KRT75: variants seen among roughly 807,000 people sequenced by gnomAD.
KRT75 encodes keratin, type II cytoskeletal 75.
KRT75 carries 35 observed loss-of-function variants against 48.8 expected under a neutral mutation model. The observed-to-expected ratio is 0.72, with a 90% CI of 0.55 to 0.95. The LOEUF (loss-of-function observed/expected upper bound fraction) is 0.95, where lower values mean the gene tolerates loss of function less well. KRT75 is among the 40% of genes least tolerant of loss of function. KRT75 has a pLI of 0.00. For missense variants in KRT75, 776 were observed against 709.9 expected (o/e 1.09, Z -1.06); for synonymous variants, 301 against 282.3 (o/e 1.07, Z -0.66).
intron 6 of KRT75, 51 bp from the exon 7 acceptor site, chr12:52,428,527 T>C: frequency 1.2e-6 from 2 of 1,612,018 alleles, no homozygotes; most frequent in East Asian, 2.2e-5. Context: ...CATGGAGGTG[T>C]GGTGCTTCTT....
Position 52,433,095 on chromosome 12 carries a change from C to T in KRT75, c.656G>A (p.Gly219Asp), listed in dbSNP as rs781246331. The change falls in exon 2 of 9, where the codon GGC becomes GAC. Residue 219 changes from glycine to aspartate, a missense_variant. Coordinates refer to ENST00000252245, the MANE Select transcript of KRT75 (RefSeq NM_004693.3). ...RQLESITTERGRLEAELRNMQ... is the reference protein window; with the variant it reads ...RQLESITTERDRLEAELRNMQ... ...GTTCCTCAGTTCAGCTTCAAGCCTG[C>T]CCCTCTCGGTGGTGATGCTTTCCAG... The T allele has an allele frequency of 1.6e-4, 258 of 1,613,940 alleles. No individual in the cohort carries two copies. Among genetic ancestry groups the T allele is most frequent in the Admixed American group, 1.0e-3 (60 of 59,992 alleles).
intron 1 of KRT75, 28 bp downstream of exon 1, chr12:52,433,779 C>A (rs1324378362): frequency 6.2e-7 from 1 of 1,613,886 alleles, no homozygotes; most frequent in South Asian, 1.1e-5. Context: ...ATCCCAAACC[C>A]AAGGGGGTGG....
Position 52,432,357 on chromosome 12 carries a change from T to C in KRT75, c.714-291A>G, listed in dbSNP as rs938975025. Among the ~76,000 whole-genome samples the C allele has an allele frequency of 7.9e-5, 12 of 152,222 alleles. No homozygotes were observed. The East Asian group carries it at 1.7e-3, about 22-fold the overall frequency. On this transcript the variant is annotated intron_variant, in intron 2 of 8. Coordinates refer to ENST00000252245, the MANE Select transcript of KRT75 (RefSeq NM_004693.3). Reference sequence around the variant, plus strand: ...TTTTGATAGATATGCAATGCTAATCTAAAATGTTTTTCCACCTCAAGTGTC... The same window carrying C: ...TTTTGATAGATATGCAATGCTAATCCAAAATGTTTTTCCACCTCAAGTGTC...
Position 52,424,228 on chromosome 12 carries a change from G to C in KRT75, c.*289C>G, listed in dbSNP as rs1940048417. ...ATCTGGAGGGAGGGAGGGAGGTGGA[G>C]CTGGAGGAGGACTTTCCAGCTGCCC... On this transcript the variant is annotated 3_prime_UTR_variant, in exon 9 of 9. Transcript: ENST00000252245. 2.1e-6 allele frequency: 1 copy of C among 485,710 alleles called. No homozygotes were observed. Among genetic ancestry groups the C allele is most frequent in the Admixed American group, 3.3e-5 (1 of 30,394 alleles). 30.1% of individuals were successfully genotyped at this position (485,710 alleles called of 1,614,324 possible). A position where few individuals can be genotyped will look rare whatever the true frequency, so the allele number is the denominator to read the frequency against.
chr12:52,430,942 T>A (rs1036810923), intron 4 of KRT75, among the ~76,000 whole-genome samples: 2 of 152,190 alleles, frequency 1.3e-5, no homozygotes, highest in Non-Finnish European at 1.5e-5. Flanking sequence ...TGGGTAAGCA[T>A]CCTCTGAATT....
chr12:52,428,268 C>A lies in KRT75; in HGVS notation c.1370G>T (p.Gly457Val). ...EIATYRKLLE[G>V]EECRLSGEGV... ...GCATCTGCCTCACCTGCACTCCTCGCCTTCCAGCAGCTTGCGGTAGGTGGC... is the reference window on the plus strand; with the variant it reads ...GCATCTGCCTCACCTGCACTCCTCGACTTCCAGCAGCTTGCGGTAGGTGGC... Residue 457 changes from glycine to valine, a missense_variant, in exon 7 of 9, where the codon GGC (glycine) becomes GTC (valine). Coordinates refer to ENST00000252245, the MANE Select transcript of KRT75 (RefSeq NM_004693.3). 2 of 1,614,014 alleles carry A rather than the reference C, an allele frequency of 1.2e-6. No individual in the cohort carries two copies. Among genetic ancestry groups the A allele is most frequent in the Non-Finnish European group, 1.7e-6 (2 of 1,180,034 alleles).
intron 7 of KRT75, 68 bp downstream of exon 7, chr12:52,428,188 T>C (rs1305500610): frequency 1.3e-6 from 2 of 1,593,758 alleles, no homozygotes; most frequent in African/African-American, 2.7e-5. Flanking sequence ...CCCGAGCCCC[T>C]AGGAATGCCC....
In KRT75 at chr12:52,428,623, TC is replaced by T. The variant is rs1402806262; in HGVS notation, c.1155del (p.Lys386SerfsTer52). ...TGGCCCTGCCAAATCTTTACCTGCT[TC>T]TTGACGCTGTCAATCTCAGCTCTCA... Reference protein sequence around the residue: ...QRLRAEIDSVKKQCSSLQTAI... With the variant: ...QRLRAEIDSVXKQCSSLQTAI... On this transcript the variant is annotated frameshift_variant, in exon 6 of 9. Coordinates refer to ENST00000252245, the MANE Select transcript of KRT75 (RefSeq NM_004693.3). LOFTEE classifies it high-confidence loss of function. 5.0e-6 allele frequency: 8 copies of T among 1,614,112 alleles called. No individual in the cohort carries two copies. Among genetic ancestry groups the T allele is most frequent in the Non-Finnish European group, 6.8e-6 (8 of 1,180,054 alleles).
intron 1 of KRT75, among the ~76,000 whole-genome samples, chr12:52,433,453 G>A (rs919529333): frequency 6.8e-6 from 1 of 147,396 alleles, no homozygotes; most frequent in African/African-American, 2.7e-5. Context: ...GATTCGGGTG[G>A]TGGGGCCTAG....
intron 1 of KRT75, 34 bp from the exon 2 acceptor site, chr12:52,433,286 A>T (rs766305711): frequency 6.3e-7 from 1 of 1,575,326 alleles, no homozygotes; most frequent in Non-Finnish European, 8.7e-7. Context: ...AACCTTGAGA[A>T]GTTGGAGAGG....
Position 52,424,688 on chromosome 12 carries a change from G to A in KRT75, c.1485C>T (p.Gly495=), listed in dbSNP as rs368100308. ...AGGAGTAGCCGCTGCCCCCACCGAG[G>A]CCCAGGTTTCCACCTCCAATGCTGC... ...SGSSIGGGNL[G]LGGGSGYSFT... The change falls in exon 9 of 9, where the codon GGC becomes GGT. Residue 495 remains glycine (G), a synonymous_variant. Coordinates refer to ENST00000252245, the MANE Select transcript of KRT75 (RefSeq NM_004693.3). 6.2e-7 allele frequency: 1 copy of A among 1,614,150 alleles called. No homozygotes were observed. Among genetic ancestry groups the A allele is most frequent in the Admixed American group, 1.7e-5 (1 of 60,022 alleles).
rs775394234 is a variant in KRT75 at position 52,433,986 on chromosome 12, C to G, written c.319G>C (p.Gly107Arg). Residue 107 changes from glycine (G) to arginine (R), a missense_variant, in exon 1 of 9, where the codon GGC becomes CGC. Coordinates refer to ENST00000252245, the MANE Select transcript of KRT75 (RefSeq NM_004693.3). ...GFGYGGGVGG[G>R]FSGPSFPVCP... ...ACGGGGAAGCTGGGGCCACTGAAGC[C>G]TCCTCCAACTCCACCCCCATAGCCA... The G allele has an allele frequency of 1.9e-6, 3 of 1,614,168 alleles. No individual in the cohort carries two copies. The South Asian group carries it at 3.3e-5, about 18-fold the overall frequency.
intron 2 of KRT75, 76 bp from the exon 3 acceptor site, chr12:52,432,142 T>G: frequency 6.9e-7 from 1 of 1,442,588 alleles, no homozygotes; most frequent in Non-Finnish European, 9.7e-7. Context: ...TAGCAAGAGT[T>G]AAGAGCCCTC....
intron 4 of KRT75, 107 bp downstream of exon 4, chr12:52,431,436 A>G (rs974954328): frequency 3.4e-5 from 31 of 904,596 alleles, no homozygotes; most frequent in African/African-American, 2.0e-4. Context: ...GAAGTATCCA[A>G]GCAAGATGCT....
chr12:52,434,004 C>T lies in KRT75; in HGVS notation c.301G>A (p.Gly101Arg), dbSNP rs1342782494. The change falls in exon 1 of 9, where the codon GGG (glycine) becomes AGG (arginine). Residue 101 changes from glycine (G) to arginine (R), a missense_variant. By Grantham distance (125) the Gly-to-Arg change is moderately radical (BLOSUM62 -2). Coordinates refer to ENST00000252245, the MANE Select transcript of KRT75 (RefSeq NM_004693.3). ...RFGVNSGFGYGGGVGGGFSGP... is the reference protein window; with the variant it reads ...RFGVNSGFGYRGGVGGGFSGP... Reference sequence around the variant, plus strand: ...CTGAAGCCTCCTCCAACTCCACCCCCATAGCCAAATCCACTGTTGACTCCA... The same window carrying T: ...CTGAAGCCTCCTCCAACTCCACCCCTATAGCCAAATCCACTGTTGACTCCA... The T allele has an allele frequency of 1.2e-6, 2 of 1,614,148 alleles. No homozygotes were observed. Among genetic ancestry groups the T allele is most frequent in the South Asian group, 2.2e-5 (2 of 91,082 alleles).
Position 52,433,865 on chromosome 12 carries a change from G to A in KRT75, c.440C>T (p.Ala147Val). ...GGTCTTGATCTGCTCGCGCTCCTCG[G>A]CCCGCACCCGCTGGATGGTGGGGTC... The part of the protein sequence containing the change: ...QIDPTIQRVR[A>V]EEREQIKTLN... The change falls in exon 1 of 9, where the codon GCC (alanine) becomes GTC (valine). Residue 147 changes from alanine (A) to valine (V), a missense_variant. Transcript: ENST00000252245. 1 of 1,614,114 alleles carries A rather than the reference G, an allele frequency of 6.2e-7. No homozygotes were observed.
chr12:52,424,853 G>A (rs949517546), intron 8 of KRT75, 98 bp from the exon 9 acceptor site: 8 of 964,398 alleles, frequency 8.3e-6, no homozygotes, highest in Non-Finnish European at 1.3e-5. Flanking sequence ...GTGGGGAGGG[G>A]GTGGTCTCGT....
intron 5 of KRT75, among the ~76,000 whole-genome samples, chr12:52,429,694 T>C (rs1273736373): frequency 6.6e-6 from 1 of 152,204 alleles, no homozygotes; most frequent in Non-Finnish European, 1.5e-5. Context: ...AGGCGCTGCC[T>C]CTGCCCTGTG....
Position 52,430,681 on chromosome 12 carries a change from C to A in KRT75, c.895G>T (p.Val299Phe), listed in dbSNP as rs748516597. ...GACAGCACCACGGATGTGTCACCGA[C>A]CTGGGTCTGCAACTGGGACAGCTCC... ...DAELSQLQTQ[V>F]GDTSVVLSMD... Residue 299 changes from valine (V) to phenylalanine (F), a missense_variant, in exon 5 of 9, where the codon GTC becomes TTC. Transcript: ENST00000252245. 6.2e-6 allele frequency: 10 copies of A among 1,614,082 alleles called. No homozygotes were observed. The highest frequency in any genetic ancestry group is 6.8e-6 in the Non-Finnish European group (8 of 1,180,042).
Sources: allele counts gnomAD v4.1 joint callset (sites outside exome capture counted in the v4.1 genomes callset), GRCh38; gene constraint gnomAD v4.1.1; transcripts MANE v1.5; gene names NCBI Gene and HGNC (gene_info 2026-07-23, HGNC 2026-07-21).